SLC71A1: variants seen among roughly 807,000 people sequenced by gnomAD.
SLC71A1 encodes the protein solute carrier family 71 member 1.
chr1:100,068,271 A>G, the SLC71A1 span: 2 of 1,199,548 alleles, frequency 1.7e-6, no homozygotes, highest in Non-Finnish European at 2.4e-6. Flanking sequence ...TGTTGTGGAT[A>G]TTTCTTTAGG....
the SLC71A1 span, chr1:100,038,146 C>T: frequency 4.1e-6 from 5 of 1,219,588 alleles, no homozygotes; most frequent in South Asian, 3.9e-5. Context: ...GCGGCTCGGC[C>T]CGGCAGTAGT....
At chr1:100,063,339 G>GA in the SLC71A1 span, among the ~76,000 whole-genome samples, 369 of 152,208 alleles carry the variant, frequency 2.4e-3, 2 homozygotes, top group African/African-American at 7.8e-3. Context: ...TATGGATGCA[G>GA]AAAAAAGGTG....
the SLC71A1 span, among the ~76,000 whole-genome samples, chr1:100,053,803 C>G: frequency 2.0e-5 from 3 of 152,136 alleles, no homozygotes; most frequent in Non-Finnish European, 4.4e-5. Flanking sequence ...TGGTGAGCCT[C>G]TACCAACAAG....
chr1:100,075,571 C>G, the SLC71A1 span, among the ~76,000 whole-genome samples: 1 of 152,176 alleles, frequency 6.6e-6, no homozygotes, highest in East Asian at 1.9e-4. Flanking sequence ...AAGCCAGTCT[C>G]TGATATAGTC....
chr1:100,069,521 C>T, the SLC71A1 span: 2 of 719,004 alleles, frequency 2.8e-6, no homozygotes, highest in Non-Finnish European at 4.9e-6. Flanking sequence ...TTTTTCTGGC[C>T]CATTAAATGT....
At chr1:100,076,807 GACTAACTTGGACCTAAACA>G in the SLC71A1 span, among the ~76,000 whole-genome samples, 19 of 152,308 alleles carry the variant, frequency 1.2e-4, no homozygotes, top group Admixed American at 3.3e-4. Flanking sequence ...AAGCATTTTA[GACTAACTTGGACCTAAACA>G]AGCTTTAAGG....
At chr1:100,051,118 C>A in the SLC71A1 span, among the ~76,000 whole-genome samples, 3 of 149,258 alleles carry the variant, frequency 2.0e-5, no homozygotes, top group Non-Finnish European at 3.0e-5. Context: ...AACAGCCGGG[C>A]GCGGTGGCTC....
the SLC71A1 span, among the ~76,000 whole-genome samples, chr1:100,061,189 CA>C: frequency 6.6e-6 from 1 of 152,104 alleles, no homozygotes; most frequent in Non-Finnish European, 1.5e-5. Flanking sequence ...ATCAGTATTA[CA>C]ATAGAAACTT....
the SLC71A1 span, chr1:100,068,523 A>G: frequency 6.2e-7 from 1 of 1,614,108 alleles, no homozygotes; most frequent in Non-Finnish European, 8.5e-7. Flanking sequence ...TCTGCATTAC[A>G]GTGTTTCTCT....
At chr1:100,054,771 G>C in the SLC71A1 span, among the ~76,000 whole-genome samples, 2 of 152,120 alleles carry the variant, frequency 1.3e-5, no homozygotes, top group African/African-American at 4.8e-5. Flanking sequence ...CATTTTCTCT[G>C]TTCACCTCTA....
the SLC71A1 span, among the ~76,000 whole-genome samples, chr1:100,072,193 CCT>C: frequency 6.6e-6 from 1 of 152,106 alleles, no homozygotes; most frequent in East Asian, 1.9e-4. Context: ...TGACTTGTCC[CCT>C]GTTGACCTTC....
At chr1:100,071,645 C>A in the SLC71A1 span, among the ~76,000 whole-genome samples, 1 of 152,184 alleles carries the variant, frequency 6.6e-6, no homozygotes, top group East Asian at 1.9e-4. Flanking sequence ...AGAGAGCAGA[C>A]TAATACTGTA....
the SLC71A1 span, among the ~76,000 whole-genome samples, chr1:100,040,547 G>T: frequency 6.6e-6 from 1 of 151,988 alleles, no homozygotes; most frequent in South Asian, 2.1e-4. Context: ...TGTAACCACC[G>T]CCTCCTGGGT....
chr1:100,077,685 G>A, the SLC71A1 span, among the ~76,000 whole-genome samples: 3 of 152,194 alleles, frequency 2.0e-5, no homozygotes, highest in Admixed American at 6.5e-5. Context: ...CAAACCAGAA[G>A]TGAAAACAAT....
the SLC71A1 span, among the ~76,000 whole-genome samples, chr1:100,048,263 C>T: frequency 1.3e-5 from 2 of 151,892 alleles, no homozygotes; most frequent in East Asian, 1.9e-4. Context: ...ACTGCAACCT[C>T]TGCCTCCCAG....
the SLC71A1 span, among the ~76,000 whole-genome samples, chr1:100,041,504 G>C: frequency 3.3e-5 from 5 of 152,146 alleles, no homozygotes; most frequent in East Asian, 9.6e-4. Context: ...TTTGAAAACA[G>C]CATAAGTAAC....
At chr1:100,077,304 A>G in the SLC71A1 span, 1 of 1,180,818 alleles carries the variant, frequency 8.5e-7, no homozygotes, top group African/African-American at 1.6e-5. Context: ...TAATGTTAAT[A>G]TTTTTAATTT....
At chr1:100,065,876 G>T in the SLC71A1 span, among the ~76,000 whole-genome samples, 1 of 150,126 alleles carries the variant, frequency 6.7e-6, no homozygotes, top group Non-Finnish European at 1.5e-5. Flanking sequence ...TCCAGACAGG[G>T]TGTTGCCCAG....
At chr1:100,065,705 TAAGCCTTTTCCC>T in the SLC71A1 span, among the ~76,000 whole-genome samples, 4 of 95,388 alleles carry the variant, frequency 4.2e-5, no homozygotes, top group African/African-American at 1.4e-4. Flanking sequence ...GCCTTTTCCC[TAAGCCTTTTCCC>T]TTTTTTAACC....
Sources: gnomAD v4.1 joint callset for allele counts (sites outside exome capture counted in the v4.1 genomes callset) on GRCh38, gnomAD v4.1.1 for gene constraint, MANE v1.5 for transcripts, NCBI Gene and HGNC (gene_info 2026-07-23, HGNC 2026-07-21) for gene names.